Variants in FBXW7 observed in about 807,000 individuals in gnomAD.
The protein encoded by FBXW7 is F-box/WD repeat-containing protein 7.
FBXW7 carries 11 observed loss-of-function variants against 86.3 expected under a neutral mutation model. The observed-to-expected ratio is 0.13, with a 90% CI of 0.08 to 0.21. The LOEUF is 0.21. FBXW7 is among the 10% of genes least tolerant of loss of function. The probability of loss-of-function intolerance (pLI) is 1.00; values close to 1 mark genes in which losing one functional copy is unlikely to be tolerated. For synonymous variants in FBXW7, 313 were observed against 297.9 expected, an observed-to-expected ratio of 1.05 and a Z score of -0.52; for missense variants, 488 against 847.4, an observed-to-expected ratio of 0.58 and a Z score of 5.27.
At chr4:152,325,755 C>T in intron 12 of FBXW7, 1 of 416,632 alleles carries the variant, frequency 2.4e-6, no homozygotes, top group Non-Finnish European at 4.3e-6. Context: ...AACTTAGAGC[C>T]CCAAAGTGTC....
chr4:152,410,604 C>A (rs1471452597), intron 4 of FBXW7, among the ~76,000 whole-genome samples: 1 of 152,124 alleles, frequency 6.6e-6, no homozygotes, highest in African/African-American at 2.4e-5. Context: ...GTGTAAGATA[C>A]TTCATTCCAA....
In FBXW7 at chr4:152,329,797, A is replaced by G. The variant is rs754942103; in HGVS notation, c.1123-12T>C. On this transcript the variant is annotated splice_polypyrimidine_tract_variant and intron_variant, in intron 9 of 13. Coordinates refer to ENST00000281708, the MANE Select transcript of FBXW7 (RefSeq NM_001349798.2). ...TGTCCTTTCAGCACCTATAAGAAAG[A>G]TGTGCAGATTAGAAATATGTTAATT... 5 of 1,442,320 alleles carry G rather than the reference A, an allele frequency of 3.5e-6. No individual in the cohort carries two copies. In the South Asian group the frequency reaches 6.8e-5, roughly 20 times the overall value. The allele number at this position is 1,442,320 out of a possible 1,614,324, so 89.3% of individuals were successfully genotyped here.
At chr4:152,487,298 C>A (rs1208838961) in intron 2 of FBXW7, among the ~76,000 whole-genome samples, 2 of 151,978 alleles carry the variant, frequency 1.3e-5, no homozygotes, top group African/African-American at 4.8e-5. Context: ...GAAAAGGATA[C>A]TTTTACAATA....
intron 4 of FBXW7, 102 bp from the exon 5 acceptor site, chr4:152,350,226 C>T: frequency 1.9e-6 from 1 of 533,968 alleles, no homozygotes; most frequent in Non-Finnish European, 3.3e-6. Context: ...TTTCATATGC[C>T]TACAATGTTA....
At chr4:152,458,887 A>T (rs1388278082) in intron 2 of FBXW7, among the ~76,000 whole-genome samples, 1 of 152,204 alleles carries the variant, frequency 6.6e-6, no homozygotes, top group Non-Finnish European at 1.5e-5. Context: ...GGGCCACAGG[A>T]AAGTTTCACA....
At chr4:152,364,970 T>C (rs1326994644) in intron 4 of FBXW7, among the ~76,000 whole-genome samples, 2 of 152,174 alleles carry the variant, frequency 1.3e-5, no homozygotes, top group African/African-American at 2.4e-5. Flanking sequence ...CTAAACTAAG[T>C]CTTGTGTCTG....
intron 4 of FBXW7, chr4:152,352,685 A>G (rs771394228): frequency 1.9e-6 from 3 of 1,613,942 alleles, no homozygotes; most frequent in South Asian, 2.2e-5. Context: ...ACTCCACAGT[A>G]AAGGCAAATG....
At chr4:152,469,658 T>C (rs761167939) in intron 2 of FBXW7, among the ~76,000 whole-genome samples, 1 of 152,058 alleles carries the variant, frequency 6.6e-6, no homozygotes, top group Non-Finnish European at 1.5e-5. Context: ...GAAATCCTGT[T>C]TTATTCATAA....
At chr4:152,370,726 TG>T (rs1286866938) in intron 4 of FBXW7, among the ~76,000 whole-genome samples, 2 of 151,944 alleles carry the variant, frequency 1.3e-5, no homozygotes, top group Non-Finnish European at 2.9e-5. Context: ...GTTTGAGAAA[TG>T]ATGGCTCTCC....
In FBXW7 at chr4:152,337,895, G is replaced by A. The variant is rs1321383675; in HGVS notation, c.768C>T (p.Leu256=). 1.2e-6 allele frequency: 2 copies of A among 1,612,676 alleles called. No individual in the cohort carries two copies. Among genetic ancestry groups the A allele is most frequent in the Admixed American group, 3.3e-5 (2 of 59,866 alleles). Residue 256 remains leucine, a synonymous_variant, in exon 7 of 14, where the codon CTC becomes CTT. Transcript: ENST00000281708. ...GPEKLLALDE[L]IDSCEPTQVK... ...CTTGTGTTGGTTCACAACTATCAAT[G>A]AGTTCATCTAAAGCAAGCAATTTCT... is the stretch of plus-strand genomic sequence containing the variant.
intron 4 of FBXW7, among the ~76,000 whole-genome samples, chr4:152,408,890 C>G (rs761370862): frequency 8.5e-5 from 13 of 152,250 alleles, no homozygotes; most frequent in South Asian, 2.1e-4. Context: ...ACAGTGTGAG[C>G]TTAATAAATA....
intron 4 of FBXW7, among the ~76,000 whole-genome samples, chr4:152,374,889 G>GA (rs1239732061): frequency 6.8e-6 from 1 of 146,864 alleles, no homozygotes; most frequent in Non-Finnish European, 1.5e-5. Context: ...GTTACAGGAG[G>GA]GGGGGGGATG....
At chr4:152,377,344 A>T (rs554968377) in intron 4 of FBXW7, among the ~76,000 whole-genome samples, 47 of 152,324 alleles carry the variant, frequency 3.1e-4, no homozygotes, top group African/African-American at 1.0e-3. Context: ...ATTAAAATAT[A>T]AAAAGTAGCT....
chr4:152,409,251 T>C (rs1359404145), intron 4 of FBXW7, among the ~76,000 whole-genome samples: 1 of 152,158 alleles, frequency 6.6e-6, no homozygotes, highest in Non-Finnish European at 1.5e-5. Context: ...TATGTTAACA[T>C]TTAAAATGGG....
intron 12 of FBXW7, 48 bp from the exon 13 acceptor site, chr4:152,324,442 A>T (rs2126481874): frequency 7.0e-7 from 1 of 1,431,710 alleles, no homozygotes; most frequent in Non-Finnish European, 9.6e-7. Context: ...TACTCTTCCT[A>T]TCAATTACTG....
chr4:152,466,239 G>C (rs1292772789), intron 2 of FBXW7, among the ~76,000 whole-genome samples: 1 of 152,078 alleles, frequency 6.6e-6, no homozygotes, highest in East Asian at 1.9e-4. Flanking sequence ...TAAAAAATAA[G>C]GAACTAAATT....
At chr4:152,470,888 GAC>G (rs1202056149) in intron 2 of FBXW7, among the ~76,000 whole-genome samples, 1 of 151,980 alleles carries the variant, frequency 6.6e-6, no homozygotes, top group Non-Finnish European at 1.5e-5. Context: ...CTACCAGTAT[GAC>G]TCCTCAAAAA....
rs543312837 is a variant in FBXW7, at chr4:152,474,541, C to A, written c.-120+60400G>T. Among the ~76,000 whole-genome samples the A allele has an allele frequency of 2.6e-5, 4 of 152,294 alleles. No homozygotes were observed. In the East Asian group the frequency reaches 7.7e-4, roughly 29 times the overall value. ...AGAAATCAATTCTCAAATTACCCAT[C>A]ACCTATTTGATTTAGCCTAATTGTA... is the stretch of plus-strand genomic sequence containing the variant. On this transcript the variant is annotated intron_variant, in intron 2 of 13. Transcript: ENST00000281708.
chr4:152,394,857 A>G (rs946447165), intron 4 of FBXW7, among the ~76,000 whole-genome samples: 1 of 152,096 alleles, frequency 6.6e-6, no homozygotes, highest in African/African-American at 2.4e-5. Context: ...TCAAACTGCC[A>G]TGAAGTGACA....
Sources: gnomAD v4.1 joint callset for allele counts (sites outside exome capture counted in the v4.1 genomes callset) on GRCh38, gnomAD v4.1.1 for gene constraint, MANE v1.5 for transcripts, NCBI Gene and HGNC (gene_info 2026-07-23, HGNC 2026-07-21) for gene names.